The following VPS13B variants were observed in gnomAD, a reference collection of about 807,000 sequenced individuals.
VPS13B encodes the protein intermembrane lipid transfer protein VPS13B.
In VPS13B, 285 loss-of-function variants were observed where a neutral mutation model predicts 426.4. That is an observed-to-expected ratio of 0.67 (90% confidence interval 0.61 to 0.74). The LOEUF is 0.74. Among genes scored for constraint, VPS13B ranks in the 30% least tolerant of loss-of-function variants. The pLI, the probability that VPS13B is intolerant of heterozygous loss-of-function variation, is 0.00. For synonymous variants in VPS13B, 1,676 were observed against 1,676.4 expected (o/e 1.00, Z 0.01); for missense variants, 4,537 against 4,782.6 (o/e 0.95, Z 1.51).
chr8:99,116,474 C>T (rs1373321041), intron 7 of VPS13B, among the ~76,000 whole-genome samples: 1 of 152,146 alleles, frequency 6.6e-6, no homozygotes, highest in Non-Finnish European at 1.5e-5. Context: ...TGCTCTGTCA[C>T]CCAGGCTGGA....
chr8:99,237,820 CA>C (rs1334348310), intron 17 of VPS13B, among the ~76,000 whole-genome samples: 1 of 147,966 alleles, frequency 6.8e-6, no homozygotes. Flanking sequence ...AAAATTCATA[CA>C]AAAAAAAGAA....
chr8:99,875,862 T>C lies in VPS13B; in HGVS notation c.*196T>C. 1 of 664,708 alleles carries C rather than the reference T, an allele frequency of 1.5e-6. No individual in the cohort carries two copies. The highest frequency in any genetic ancestry group is 1.9e-5 in the South Asian group (1 of 52,258). 41.2% of individuals were successfully genotyped at this position (664,708 alleles called of 1,614,324 possible). The stretch of plus-strand genomic sequence containing the variant: ...CATTTTGCCACCATAAAGGGCTGCA[T>C]TTTTTTAAAAAGCCTAGGCAGCTCT... On this transcript the variant is annotated 3_prime_UTR_variant, in exon 62 of 62. Coordinates refer to ENST00000357162, the MANE Select transcript of VPS13B (RefSeq NM_152564.5).
chr8:99,194,528 C>T (rs1310490301), intron 17 of VPS13B, among the ~76,000 whole-genome samples: 2 of 152,214 alleles, frequency 1.3e-5, no homozygotes, highest in Non-Finnish European at 2.9e-5. Flanking sequence ...TGAGATCCTG[C>T]AGTACCTGGC....
At position 99,417,374 on chromosome 8, in the gene VPS13B, GTTC is replaced by G. The variant is rs1230770555; in HGVS notation, c.3083-14157_3083-14155del. The stretch of plus-strand genomic sequence containing the variant: ...TTTATAGTCACACTTTGAATAATTT[GTTC>G]TTCTTAATGAATCTTAGTTCTGAGT... On this transcript the variant is annotated intron_variant, in intron 21 of 61. Transcript: ENST00000357162. Among the ~76,000 whole-genome samples the G allele has an allele frequency of 2.0e-5, 3 of 152,194 alleles. No homozygotes were observed. The East Asian group carries it at 5.8e-4, about 29-fold the overall frequency.
intron 19 of VPS13B, among the ~76,000 whole-genome samples, chr8:99,330,883 C>CT (rs1810509156): frequency 6.6e-6 from 1 of 151,766 alleles, no homozygotes; most frequent in South Asian, 2.1e-4. Flanking sequence ...TCCCCCTTGT[C>CT]TTAAGGCAAT....
chr8:99,422,463 T>G (rs1015346744), intron 21 of VPS13B, among the ~76,000 whole-genome samples: 1 of 152,164 alleles, frequency 6.6e-6, no homozygotes, highest in Non-Finnish European at 1.5e-5. Flanking sequence ...ATAGTACTCA[T>G]ATAGTACTAA....
At chr8:99,763,022 C>G (rs1351329910) in intron 39 of VPS13B, among the ~76,000 whole-genome samples, 2 of 150,402 alleles carry the variant, frequency 1.3e-5, no homozygotes, top group Non-Finnish European at 3.0e-5. Context: ...CCTGTGGTCC[C>G]AGCTACTTGG....
At chr8:99,772,559 A>G (rs552479083) in intron 40 of VPS13B, among the ~76,000 whole-genome samples, 22 of 152,224 alleles carry the variant, frequency 1.4e-4, no homozygotes, top group South Asian at 8.3e-4. Context: ...TTGCACAACA[A>G]TGTGAATGTA....
intron 40 of VPS13B, among the ~76,000 whole-genome samples, chr8:99,776,397 T>G (rs1811744064): frequency 6.6e-6 from 1 of 152,178 alleles, no homozygotes; most frequent in South Asian, 2.1e-4. Context: ...TGACCTGCTG[T>G]GCTTAAGCAA....
Position 99,589,680 on chromosome 8 carries a change from C to T in VPS13B, c.5220+12047C>T, listed in dbSNP as rs1289498190. On this transcript the variant is annotated intron_variant, in intron 33 of 61. Coordinates refer to ENST00000357162, the MANE Select transcript of VPS13B (RefSeq NM_152564.5). ...GCTATAAACATACATGTGCCTGTGTCTTTATAGCAGCATGATTTATAATCC... is the reference window on the plus strand; with the variant it reads ...GCTATAAACATACATGTGCCTGTGTTTTTATAGCAGCATGATTTATAATCC... Among the ~76,000 whole-genome samples the T allele has an allele frequency of 4.6e-5, 7 of 152,120 alleles. No individual in the cohort carries two copies. In the East Asian group the frequency reaches 1.4e-3, roughly 29 times the overall value.
chr8:99,199,331 C>T (rs1018310042), intron 17 of VPS13B, among the ~76,000 whole-genome samples: 3 of 152,088 alleles, frequency 2.0e-5, no homozygotes, highest in Admixed American at 1.3e-4. Flanking sequence ...GCCACCACAC[C>T]CGGCTAAGAT....
At chr8:99,093,978 TTGC>T (rs1439575109) in intron 3 of VPS13B, 2 of 152,344 alleles carry the variant, frequency 1.3e-5, no homozygotes, top group African/African-American at 2.4e-5. Flanking sequence ...TAATCCCATT[TTGC>T]TGCTAATAAT....
intron 30 of VPS13B, among the ~76,000 whole-genome samples, chr8:99,553,080 G>A (rs1005766042): frequency 6.6e-6 from 1 of 152,082 alleles, no homozygotes; most frequent in South Asian, 2.1e-4. Flanking sequence ...ATTTGCGTGA[G>A]CCCTGAGCTT....
At chr8:99,712,569 A>G (rs1832746948) in intron 36 of VPS13B, among the ~76,000 whole-genome samples, 1 of 152,098 alleles carries the variant, frequency 6.6e-6, no homozygotes, top group Non-Finnish European at 1.5e-5. Context: ...TCTGAAGCAC[A>G]TTGTGTGTCC....
At chr8:99,134,177 A>G (rs1809949089) in intron 8 of VPS13B, among the ~76,000 whole-genome samples, 1 of 152,190 alleles carries the variant, frequency 6.6e-6, no homozygotes, top group African/African-American at 2.4e-5. Flanking sequence ...TAGGAACTAG[A>G]AAGAGCCTGT....
chr8:99,872,746 C>T (rs1427270818), intron 61 of VPS13B, among the ~76,000 whole-genome samples: 3 of 152,202 alleles, frequency 2.0e-5, no homozygotes, highest in Non-Finnish European at 4.4e-5. Context: ...CAGCAAAGGA[C>T]AGCAAACCTA....
intron 16 of VPS13B, among the ~76,000 whole-genome samples, chr8:99,191,376 CTTTTTTTTTTTTTT>C (rs35215814): frequency 4.2e-5 from 3 of 70,922 alleles, no homozygotes; most frequent in African/African-American, 1.7e-4. Flanking sequence ...CTCTCTCTCT[CTTTTTTTTTTTTTT>C]TTTTTTTTTT....
chr8:99,292,817 T>A (rs546215183), intron 19 of VPS13B, among the ~76,000 whole-genome samples: 11 of 152,330 alleles, frequency 7.2e-5, no homozygotes, highest in Non-Finnish European at 1.3e-4. Context: ...CAACTGTTTG[T>A]AACTTTCCTA....
intron 33 of VPS13B, among the ~76,000 whole-genome samples, chr8:99,590,403 C>G (rs1826572050): frequency 6.6e-6 from 1 of 152,040 alleles, no homozygotes. Flanking sequence ...GCTCTTGCTT[C>G]TCTAATTCTT....
Sources: allele counts gnomAD v4.1 joint callset (sites outside exome capture counted in the v4.1 genomes callset), GRCh38; gene constraint gnomAD v4.1.1; transcripts MANE v1.5; gene names NCBI Gene and HGNC (gene_info 2026-07-23, HGNC 2026-07-21).